CADM2: variants seen among roughly 807,000 people sequenced by gnomAD.
CADM2 encodes cell adhesion molecule 2.
Under a neutral mutation model 49.8 loss-of-function variants are expected in CADM2, and 12 were observed. The ratio of observed to expected loss-of-function variants is 0.24; its 90% CI spans 0.15 to 0.39. The LOEUF (loss-of-function observed/expected upper bound fraction) is 0.39. Ranked by LOEUF, CADM2 falls within the 10% of genes least tolerant of loss-of-function variation. The probability of loss-of-function intolerance (pLI) is 1.00; values close to 1 mark genes in which losing one functional copy is unlikely to be tolerated. For synonymous variants in CADM2, 214 were observed against 175.4 expected, an observed-to-expected ratio of 1.22 and a Z score of -1.74; for missense variants, 378 against 492.3, an observed-to-expected ratio of 0.77 and a Z score of 2.20.
At chr3:85,432,800 A>G (rs1303494985) in intron 1 of CADM2, among the ~76,000 whole-genome samples, 2 of 152,138 alleles carry the variant, frequency 1.3e-5, no homozygotes, top group African/African-American at 4.8e-5. Flanking sequence ...GCAGTTGATA[A>G]GCTCATAAGC....
intron 1 of CADM2, among the ~76,000 whole-genome samples, chr3:85,494,912 G>T (rs1050744733): frequency 1.3e-5 from 2 of 152,152 alleles, no homozygotes; most frequent in African/African-American, 4.8e-5. Context: ...ACCAGAGGAT[G>T]AATGGGGCGA....
chr3:85,297,519 A>G (rs1038012739), intron 1 of CADM2, among the ~76,000 whole-genome samples: 4 of 152,038 alleles, frequency 2.6e-5, no homozygotes, highest in African/African-American at 9.7e-5. Flanking sequence ...GGAAGGATTC[A>G]GGAAGAACTG....
chr3:85,828,938 G>T (rs2074053409), intron 3 of CADM2, among the ~76,000 whole-genome samples: 1 of 151,870 alleles, frequency 6.6e-6, no homozygotes, highest in African/African-American at 2.4e-5. Flanking sequence ...ATTATCTCTT[G>T]AAGTGTAAAT....
chr3:85,489,220 T>C (rs2039559569), intron 1 of CADM2, among the ~76,000 whole-genome samples: 1 of 152,156 alleles, frequency 6.6e-6, no homozygotes, highest in African/African-American at 2.4e-5. Context: ...GGCATCTGTG[T>C]TTACATCAAT....
At chr3:85,496,314 G>A (rs1444933921) in intron 1 of CADM2, among the ~76,000 whole-genome samples, 1 of 152,126 alleles carries the variant, frequency 6.6e-6, no homozygotes, top group African/African-American at 2.4e-5. Flanking sequence ...CTGTTTCTGT[G>A]TTATTTTGCT....
intron 1 of CADM2, among the ~76,000 whole-genome samples, chr3:85,254,006 G>T (rs184598771): frequency 2.7e-3 from 405 of 152,106 alleles, no homozygotes; most frequent in Middle Eastern, 3.4e-3. Flanking sequence ...ATGGTTGAAG[G>T]CTCAGCCCCC....
intron 1 of CADM2, among the ~76,000 whole-genome samples, chr3:85,130,176 T>A (rs942927151): frequency 1.3e-5 from 2 of 152,206 alleles, no homozygotes; most frequent in South Asian, 2.1e-4. Context: ...TACAGTAATT[T>A]TATAAGTATA....
At chr3:85,776,678 AT>A (rs769286482) in intron 2 of CADM2, among the ~76,000 whole-genome samples, 114 of 152,234 alleles carry the variant, frequency 7.5e-4, no homozygotes, top group Non-Finnish European at 1.1e-3. Flanking sequence ...GAGAGAATAT[AT>A]TTTTGTGCAC....
chr3:85,625,672 T>A (rs967521795), intron 1 of CADM2, among the ~76,000 whole-genome samples: 2 of 152,006 alleles, frequency 1.3e-5, no homozygotes, highest in Non-Finnish European at 2.9e-5. Context: ...GAAGACAATT[T>A]AGGGATTGGG....
chr3:85,872,154 T>C (rs1489739868), intron 3 of CADM2, among the ~76,000 whole-genome samples: 2 of 152,208 alleles, frequency 1.3e-5, no homozygotes, highest in Middle Eastern at 6.3e-3. Flanking sequence ...AGCCTGTAAG[T>C]CTAGATCTCA....
intron 1 of CADM2, among the ~76,000 whole-genome samples, chr3:85,121,208 C>A (rs543245771): frequency 4.6e-5 from 7 of 152,212 alleles, no homozygotes; most frequent in African/African-American, 1.7e-4. Context: ...TCTTTCCTGG[C>A]CATCAGAAAT....
Position 85,886,239 on chromosome 3 carries a change from G to T in CADM2, c.441G>T (p.Glu147Asp). The change falls in exon 5 of 10, where the codon GAG becomes GAT. Residue 147 changes from glutamate (E) to aspartate (D), a missense_variant. Coordinates refer to ENST00000383699, the MANE Select transcript of CADM2 (RefSeq NM_001167675.2). ...QISGFSSPVM[E>D]GDLMQLTCKT... ...GTGGATTCTCATCACCAGTTATGGA[G>T]GGTGACTTGATGCAGCTGACTTGCA... The T allele has an allele frequency of 6.2e-7, 1 of 1,613,950 alleles. No homozygotes were observed.
At chr3:85,720,837 T>G (rs186091325) in intron 1 of CADM2, among the ~76,000 whole-genome samples, 4 of 152,294 alleles carry the variant, frequency 2.6e-5, no homozygotes, top group Non-Finnish European at 1.5e-5. Context: ...ATATTTTAAT[T>G]TCTGTGTCTT....
At chr3:85,185,788 A>G (rs879764875) in intron 1 of CADM2, among the ~76,000 whole-genome samples, 1 of 152,210 alleles carries the variant, frequency 6.6e-6, no homozygotes, top group Non-Finnish European at 1.5e-5. Context: ...AGTCTTTAAT[A>G]AACGGGAGTC....
chr3:85,969,391 G>C (rs997895202), intron 8 of CADM2, among the ~76,000 whole-genome samples: 1 of 151,276 alleles, frequency 6.6e-6, no homozygotes, highest in South Asian at 2.1e-4. Context: ...CCTCTGCTTG[G>C]AATGCTTGTC....
At chr3:85,258,146 G>A (rs2042932253) in intron 1 of CADM2, among the ~76,000 whole-genome samples, 1 of 152,060 alleles carries the variant, frequency 6.6e-6, no homozygotes, top group South Asian at 2.1e-4. Flanking sequence ...GCCTACCTGA[G>A]TGGCCAAGAT....
In CADM2 at chr3:85,426,684, T is replaced by A. The variant is rs149769807; in HGVS notation, c.62-299838T>A. Among the ~76,000 whole-genome samples, 307 of 152,242 alleles carry A rather than the reference T, an allele frequency of 2.0e-3. 3 individuals are homozygous for A. The highest frequency in any genetic ancestry group is 7.2e-3 in the African/African-American group (301 of 41,528). Reference sequence around the variant, plus strand: ...AATGTACAATTAAGTTATTATTGACTATAGTCACCCAGTTGTGCTTTCAAA... The same window carrying A: ...AATGTACAATTAAGTTATTATTGACAATAGTCACCCAGTTGTGCTTTCAAA... On this transcript the variant is annotated intron_variant, in intron 1 of 9. Transcript: ENST00000383699.
chr3:85,674,412 A>T (rs546143152), intron 1 of CADM2, among the ~76,000 whole-genome samples: 15 of 152,228 alleles, frequency 9.9e-5, no homozygotes, highest in South Asian at 6.2e-4. Context: ...TTGAGCTATG[A>T]TACAATTGGC....
At chr3:85,620,779 C>A (rs1054190888) in intron 1 of CADM2, among the ~76,000 whole-genome samples, 2 of 152,048 alleles carry the variant, frequency 1.3e-5, no homozygotes, top group African/African-American at 4.8e-5. Context: ...TTCTGAAGAT[C>A]ATACAATTTG....
Sources: allele counts gnomAD v4.1 joint callset (sites outside exome capture counted in the v4.1 genomes callset), GRCh38; gene constraint gnomAD v4.1.1; transcripts MANE v1.5; gene names NCBI Gene and HGNC (gene_info 2026-07-23, HGNC 2026-07-21).